The following NIM1K variants were observed in gnomAD, a reference collection of about 807,000 sequenced individuals.
NIM1K encodes the protein serine/threonine-protein kinase NIM1.
NIM1K carries 35 observed loss-of-function variants against 37.1 expected under a neutral mutation model. The observed-to-expected ratio is 0.94, with a 90% confidence interval of 0.72 to 1.25. NIM1K has a LOEUF of 1.25. Ranked by LOEUF, NIM1K falls within the 50% of genes most tolerant of loss-of-function variation. The pLI is 0.00. For missense variants in NIM1K, 564 were observed against 548.0 expected, an observed-to-expected ratio of 1.03 and a Z score of -0.29; for synonymous variants, 234 against 206.6, an observed-to-expected ratio of 1.13 and a Z score of -1.14.
rs61746246 is a variant in NIM1K at position 43,245,955 on chromosome 5, G to A, written c.180G>A (p.Lys60=). ...KLTQDMSQDE[K]VVREITLGKR... is the part of the protein sequence containing the mutation. Reference sequence around the variant, plus strand: ...CACAGGACATGTCCCAGGATGAGAAGGTGGTGAGGGAGATCACGCTGGGGA... The same window carrying A: ...CACAGGACATGTCCCAGGATGAGAAAGTGGTGAGGGAGATCACGCTGGGGA... The change falls in exon 2 of 4, where the codon AAG becomes AAA. Residue 60 remains lysine (K), a synonymous_variant. Transcript: ENST00000326035. The A allele has an allele frequency of 3.9e-3, 6,278 of 1,614,192 alleles. 42 individuals are homozygous for A. Among genetic ancestry groups the A allele is most frequent in the Middle Eastern group, 9.7e-3 (59 of 6,062 alleles).
chr5:43,261,025 G>T (rs1321728790), intron 2 of NIM1K, among the ~76,000 whole-genome samples: 1 of 152,150 alleles, frequency 6.6e-6, no homozygotes, highest in Non-Finnish European at 1.5e-5. Context: ...GGACATTTGG[G>T]TTGGTTCCAA....
rs190703157 is a variant in NIM1K at position 43,274,310 on chromosome 5, C to T, written c.293-2747C>T. Among the ~76,000 whole-genome samples the T allele has an allele frequency of 3.1e-3, 475 of 152,278 alleles. 2 individuals carry two copies. The highest frequency in any genetic ancestry group is 3.6e-3 in the Non-Finnish European group (242 of 68,020). On this transcript the variant is annotated intron_variant, in intron 2 of 3. Transcript: ENST00000326035. ...TGACACCTACCACCTGATTCTTGAA[C>T]ACTCACTGTGGATAGAATGGTGTAT...
chr5:43,274,964 G>C (rs1341076001), intron 2 of NIM1K, among the ~76,000 whole-genome samples: 2 of 152,068 alleles, frequency 1.3e-5, no homozygotes, highest in African/African-American at 4.8e-5. Context: ...TCAAAGTCTG[G>C]TACAGTTTGA....
At chr5:43,229,451 C>T (rs1345688211) in intron 1 of NIM1K, among the ~76,000 whole-genome samples, 1 of 150,888 alleles carries the variant, frequency 6.6e-6, no homozygotes, top group African/African-American at 2.4e-5. Flanking sequence ...TTGGAAATAC[C>T]TTGATGTATC....
At position 43,227,481 on chromosome 5, in the gene NIM1K, T is replaced by C. The variant is rs150987105; in HGVS notation, c.-694-17601T>C. On this transcript the variant is annotated intron_variant, in intron 1 of 3. Coordinates refer to ENST00000326035, the MANE Select transcript of NIM1K (RefSeq NM_153361.4). Reference sequence around the variant, plus strand: ...CTTATACTAGAGGAATAGCTGGAGATAGAACTGTGTAAAACTCTCTTGAAT... The same window carrying C: ...CTTATACTAGAGGAATAGCTGGAGACAGAACTGTGTAAAACTCTCTTGAAT... 9.2e-5 allele frequency among the ~76,000 whole-genome samples: 14 copies of C among 152,340 alleles called. No individual in the cohort carries two copies. In the East Asian group the frequency reaches 2.5e-3, roughly 27 times the overall value.
intron 2 of NIM1K, among the ~76,000 whole-genome samples, chr5:43,274,753 C>A (rs931673082): frequency 3.3e-5 from 5 of 152,198 alleles, no homozygotes; most frequent in Non-Finnish European, 7.3e-5. Context: ...CCAGTGAACC[C>A]TTTTTCCATT....
chr5:43,225,845 C>G (rs576710926), intron 1 of NIM1K: 2 of 152,748 alleles, frequency 1.3e-5, no homozygotes, highest in Admixed American at 1.3e-4. Flanking sequence ...CCTTAAGAAG[C>G]TGACAGCCTG....
At chr5:43,255,754 A>AAAAGAAAGAAAGAAAGAAAGAAAGAAAG (rs1554016081) in intron 2 of NIM1K, among the ~76,000 whole-genome samples, 1 of 131,808 alleles carries the variant, frequency 7.6e-6, no homozygotes, top group East Asian at 2.1e-4. Context: ...TCTCAAAAAA[A>AAAAGAAAGAAAGAAAGAAAGAAAGAAAG]AAAGAAAGAA....
chr5:43,221,757 C>T (rs912211205), intron 1 of NIM1K, among the ~76,000 whole-genome samples: 1 of 152,348 alleles, frequency 6.6e-6, no homozygotes. Flanking sequence ...AACTTGATGA[C>T]TGGCACAAGG....
intron 1 of NIM1K, among the ~76,000 whole-genome samples, chr5:43,201,512 T>G (rs1047550707): frequency 6.6e-6 from 1 of 152,176 alleles, no homozygotes. Context: ...ATGAACACTT[T>G]GTAATATGAG....
intron 1 of NIM1K, among the ~76,000 whole-genome samples, chr5:43,240,757 G>A (rs187144585): frequency 5.3e-5 from 8 of 151,600 alleles, no homozygotes; most frequent in Non-Finnish European, 7.4e-5. Context: ...GGCTGGTCTC[G>A]AACTCCTGAC....
chr5:43,266,527 C>T (rs1753164362), intron 2 of NIM1K, among the ~76,000 whole-genome samples: 1 of 152,216 alleles, frequency 6.6e-6, no homozygotes, highest in Non-Finnish European at 1.5e-5. Flanking sequence ...GTCATCACTT[C>T]CCTTGGCTAA....
intron 2 of NIM1K, among the ~76,000 whole-genome samples, chr5:43,256,024 T>C (rs1421194464): frequency 1.3e-5 from 2 of 151,826 alleles, no homozygotes; most frequent in South Asian, 2.1e-4. Flanking sequence ...GAGGACCAAG[T>C]TTGTCAAAGT....
At chr5:43,223,207 GT>G in intron 1 of NIM1K, among the ~76,000 whole-genome samples, 1 of 151,808 alleles carries the variant, frequency 6.6e-6, no homozygotes, top group Non-Finnish European at 1.5e-5. Flanking sequence ...ATAGCACACA[GT>G]GGTGCTTAAG....
intron 1 of NIM1K, among the ~76,000 whole-genome samples, chr5:43,223,934 C>T (rs561036017): frequency 4.6e-5 from 7 of 151,224 alleles, no homozygotes; most frequent in East Asian, 3.9e-4. Flanking sequence ...GACTGTCCCT[C>T]GTTTGTTTTA....
At chr5:43,253,914 G>T (rs537542925) in intron 2 of NIM1K, among the ~76,000 whole-genome samples, 2 of 152,284 alleles carry the variant, frequency 1.3e-5, no homozygotes, top group South Asian at 2.1e-4. Context: ...GCCCGCCTCA[G>T]CCTCCCAAAG....
chr5:43,209,771 C>T (rs893990395), intron 1 of NIM1K, among the ~76,000 whole-genome samples: 18 of 152,058 alleles, frequency 1.2e-4, no homozygotes, highest in Non-Finnish European at 2.4e-4. Flanking sequence ...GGCGCCACCA[C>T]GCCCAGCTAA....
chr5:43,236,629 G>A (rs935926561), intron 1 of NIM1K, among the ~76,000 whole-genome samples: 1 of 152,210 alleles, frequency 6.6e-6, no homozygotes, highest in Admixed American at 6.5e-5. Flanking sequence ...ACTGCACTTG[G>A]TCACTGACGT....
At chr5:43,206,371 G>A (rs1195308464) in intron 1 of NIM1K, among the ~76,000 whole-genome samples, 2 of 137,506 alleles carry the variant, frequency 1.5e-5, no homozygotes, top group Non-Finnish European at 3.1e-5. Flanking sequence ...GGGGTGGTGC[G>A]TTCCTGTAGT....
Sources: allele counts gnomAD v4.1 joint callset (sites outside exome capture counted in the v4.1 genomes callset), GRCh38; gene constraint gnomAD v4.1.1; transcripts MANE v1.5; gene names NCBI Gene and HGNC (gene_info 2026-07-23, HGNC 2026-07-21).